ABCA12: variants seen among roughly 807,000 people sequenced by gnomAD.
ABCA12 encodes the protein ATP binding cassette subfamily A member 12.
A neutral mutation model predicts 293.5 loss-of-function variants in ABCA12; 156 were observed. That is an observed-to-expected ratio of 0.53 (90% CI 0.47 to 0.61). The LOEUF (loss-of-function observed/expected upper bound fraction) is 0.61. Among genes scored for constraint, ABCA12 ranks in the 20% least tolerant of loss-of-function variants. The pLI is 0.00. For synonymous variants in ABCA12, 1,063 were observed against 1,108.0 expected (o/e 0.96, Z 0.81); for missense variants, 2,797 against 3,090.2 (o/e 0.91, Z 2.25).
chr2:215,020,375 T>C (rs545477186), intron 11 of ABCA12, among the ~76,000 whole-genome samples: 2 of 151,966 alleles, frequency 1.3e-5, no homozygotes, highest in East Asian at 3.9e-4. Flanking sequence ...ATAACATGAA[T>C]GAACCTTGAG....
chr2:214,983,593 A>G, intron 29 of ABCA12, 54 bp downstream of exon 29: 4 of 1,467,998 alleles, frequency 2.7e-6, no homozygotes, highest in Non-Finnish European at 3.8e-6. Flanking sequence ...CAACCAAGCT[A>G]TGGGTCTTTG....
At chr2:215,106,250 A>G (rs1172960375) in intron 2 of ABCA12, among the ~76,000 whole-genome samples, 6 of 152,144 alleles carry the variant, frequency 3.9e-5, no homozygotes, top group Admixed American at 3.3e-4. Context: ...AACAACTTGC[A>G]TGGATCCCAC....
Position 215,064,380 on chromosome 2 carries a change from G to A in ABCA12, c.164-161C>T, listed in dbSNP as rs146232277. ...GCAACTAACACTCACCACTGAGTAG[G>A]AGCAGTCTTGGAGGGTGTTATGTTT... is the stretch of plus-strand genomic sequence containing the variant. On this transcript the variant is annotated intron_variant, in intron 2 of 52. Coordinates refer to ENST00000272895, the MANE Select transcript of ABCA12 (RefSeq NM_173076.3). Among the ~76,000 whole-genome samples the A allele has an allele frequency of 3.9e-5, 6 of 152,064 alleles. No homozygotes were observed. The East Asian group carries it at 1.2e-3, about 30-fold the overall frequency.
Position 214,966,851 on chromosome 2 carries a change from G to C in ABCA12, c.5881C>G (p.His1961Asp). 5 of 1,613,590 alleles carry C rather than the reference G, an allele frequency of 3.1e-6. No individual in the cohort carries two copies. The highest frequency in any genetic ancestry group is 4.2e-6 in the Non-Finnish European group (5 of 1,179,624). Residue 1961 changes from histidine to aspartate, a missense_variant, in exon 39 of 53, where the codon CAT (histidine) becomes GAT (aspartate). His to Asp is a moderately conservative substitution (Grantham distance 81). This residue lies in a region of ABCA12 where 2,130 missense variants were observed against 2,427.0 expected (regional missense o/e 0.88). Transcript: ENST00000272895. ...ACTTTTGTGTTAGTAACTTTACCATGTCGGGCAGCATCGTATTTTGACATG... is the reference window on the plus strand; with the variant it reads ...ACTTTTGTGTTAGTAACTTTACCATCTCGGGCAGCATCGTATTTTGACATG... Reference protein sequence around the residue: ...VNMSKYDAARHGIIMYSHPYP... With the variant: ...VNMSKYDAARDGIIMYSHPYP...
chr2:214,951,015 G>GC lies in ABCA12; in HGVS notation c.6715dup (p.Ala2239GlyfsTer2). 6.2e-7 allele frequency: 1 copy of GC among 1,614,090 alleles called. No individual in the cohort carries two copies. Among genetic ancestry groups the GC allele is most frequent in the Non-Finnish European group, 8.5e-7 (1 of 1,179,998 alleles). The stretch of plus-strand genomic sequence containing the variant: ...ACCACTCTCAACTCTTAATCTCTCA[G>GC]CCCGCACATCTTCATCCTCATCTAT... On this transcript the variant is annotated frameshift_variant, in exon 45 of 53. Transcript: ENST00000272895. LOFTEE classifies it high-confidence loss of function.
chr2:215,002,250 A>G (rs968295915), intron 20 of ABCA12, among the ~76,000 whole-genome samples: 6 of 152,184 alleles, frequency 3.9e-5, no homozygotes, highest in African/African-American at 1.4e-4. Flanking sequence ...TATATGCCAC[A>G]TAGTTGTGAG....
chr2:214,986,750 A>G, intron 27 of ABCA12, 22 bp from the exon 28 acceptor site: 1 of 1,609,620 alleles, frequency 6.2e-7, no homozygotes, highest in Non-Finnish European at 8.5e-7. Flanking sequence ...TCAAGGGAAG[A>G]GTTGTAAACT....
chr2:215,001,493 TGAG>T, intron 21 of ABCA12, 62 bp downstream of exon 21: 1 of 1,600,806 alleles, frequency 6.2e-7, no homozygotes, highest in Non-Finnish European at 8.6e-7. Flanking sequence ...ATGAAAGACA[TGAG>T]GAAAGAATTT....
Position 214,956,764 on chromosome 2 carries a change from C to T in ABCA12, c.6132G>A (p.Val2044=). 1 of 1,610,414 alleles carries T rather than the reference C, an allele frequency of 6.2e-7. No individual in the cohort carries two copies. ...TGATACCAATTGAAAACGCTACAGG[C>T]ACCAAGTAGAAAACCTATGGAAATA... ...NFIYDMVFYL[V]PVAFSIGIIA... The change falls in exon 42 of 53, where the codon GTG becomes GTA. Residue 2044 remains valine, a synonymous_variant. Transcript: ENST00000272895.
intron 39 of ABCA12, among the ~76,000 whole-genome samples, chr2:214,961,203 A>G (rs900660802): frequency 3.3e-5 from 5 of 152,158 alleles, no homozygotes; most frequent in Non-Finnish European, 5.9e-5. Flanking sequence ...AGTTCCTTCC[A>G]GAGAGAGTGG....
At chr2:215,115,467 A>G (rs1702665516) in intron 1 of ABCA12, among the ~76,000 whole-genome samples, 1 of 152,184 alleles carries the variant, frequency 6.6e-6, no homozygotes, top group South Asian at 2.1e-4. Flanking sequence ...AAGGGATGAT[A>G]TATTAATTTT....
At chr2:215,097,178 G>A (rs866914528) in intron 2 of ABCA12, among the ~76,000 whole-genome samples, 4 of 152,020 alleles carry the variant, frequency 2.6e-5, no homozygotes, top group African/African-American at 4.8e-5. Context: ...CCACCTTCAC[G>A]AAATTGTTCA....
chr2:215,098,517 C>T (rs1479702547), intron 2 of ABCA12, among the ~76,000 whole-genome samples: 3 of 152,200 alleles, frequency 2.0e-5, no homozygotes, highest in African/African-American at 7.2e-5. Context: ...TAAATTTGAA[C>T]AGACTTCTTT....
intron 2 of ABCA12, among the ~76,000 whole-genome samples, chr2:215,081,892 A>G (rs1375118795): frequency 2.6e-5 from 4 of 152,120 alleles, no homozygotes; most frequent in Admixed American, 2.0e-4. Flanking sequence ...ACTGATATCA[A>G]CGGAGCATTG....
chr2:215,066,669 A>G (rs1383655009), intron 2 of ABCA12, among the ~76,000 whole-genome samples: 2 of 152,096 alleles, frequency 1.3e-5, no homozygotes, highest in African/African-American at 4.8e-5. Flanking sequence ...AAGTATAGAC[A>G]GTCTATGCTT....
intron 2 of ABCA12, among the ~76,000 whole-genome samples, chr2:215,075,055 T>C (rs1170055643): frequency 6.6e-6 from 1 of 152,200 alleles, no homozygotes; most frequent in African/African-American, 2.4e-5. Flanking sequence ...TTCACTTTAG[T>C]GAGTCAAATG....
chr2:214,984,584 C>A (rs185526235), intron 28 of ABCA12, among the ~76,000 whole-genome samples: 1 of 152,290 alleles, frequency 6.6e-6, no homozygotes, highest in East Asian at 1.9e-4. Context: ...AGATTTCTTA[C>A]AGGGTCCTTC....
rs1423856197 is a variant in ABCA12 at position 215,018,165 on chromosome 2, T to G, written c.1658-33A>C. Reference sequence around the variant, plus strand: ...AAGAAAAATGTAAAAAGAAAACCCATGTTGGTTTGTCAGGTCACTCTTTTT... The same window carrying G: ...AAGAAAAATGTAAAAAGAAAACCCAGGTTGGTTTGTCAGGTCACTCTTTTT... On this transcript the variant is annotated intron_variant, in intron 13 of 52. Transcript: ENST00000272895. 3.8e-6 allele frequency: 6 copies of G among 1,599,886 alleles called. No homozygotes were observed. In the Admixed American group the frequency reaches 5.1e-5, roughly 14 times the overall value.
intron 1 of ABCA12, among the ~76,000 whole-genome samples, chr2:215,126,662 C>T (rs575148874): frequency 1.3e-5 from 2 of 152,040 alleles, no homozygotes; most frequent in African/African-American, 4.8e-5. Flanking sequence ...TGTTTTGTTT[C>T]TTAGTGAAGT....
Sources: gnomAD v4.1 joint callset for allele counts (sites outside exome capture counted in the v4.1 genomes callset) on GRCh38, gnomAD v4.1.1 for gene constraint, gnomAD v4.1.1 regional missense constraint, MANE v1.5 for transcripts, NCBI Gene and HGNC (gene_info 2026-07-23, HGNC 2026-07-21) for gene names.